CD96: variants seen among roughly 807,000 people sequenced by gnomAD.
CD96 encodes the protein CD96 molecule.
A neutral mutation model predicts 71.3 loss-of-function variants in CD96; 70 were observed. The ratio of observed to expected loss-of-function variants is 0.98; its 90% CI spans 0.81 to 1.20. CD96 has a LOEUF of 1.20. Ranked by LOEUF, CD96 falls within the 50% of genes most tolerant of loss-of-function variation. CD96 has a pLI of 0.00. For missense variants in CD96, 742 were observed against 677.5 expected, an observed-to-expected ratio of 1.10 and a Z score of -1.06; for synonymous variants, 248 against 233.0, an observed-to-expected ratio of 1.06 and a Z score of -0.59.
intron 5 of CD96, 69 bp downstream of exon 5, chr3:111,585,447 C>A: frequency 1.0e-6 from 1 of 989,646 alleles, no homozygotes; most frequent in South Asian, 1.3e-5. Context: ...GCATAGTTGC[C>A]AGGAATGTTC....
Position 111,542,228 on chromosome 3 carries a change from G to C in CD96, c.-21G>C, listed in dbSNP as rs781110604. The C allele has an allele frequency of 2.5e-6, 4 of 1,605,310 alleles. No individual in the cohort carries two copies. Among genetic ancestry groups the C allele is most frequent in the South Asian group, 1.1e-5 (1 of 90,890 alleles). ...CTTTGTGATCATTACAGAAATGCTG[G>C]TGTAAGGTGTTCAGAAGACAATGGA... On this transcript the variant is annotated 5_prime_UTR_variant, in exon 1 of 14. Transcript: ENST00000352690.
In CD96 at chr3:111,547,518, T is replaced by C. The variant is rs148528030; in HGVS notation, c.418+2116T>C. 4.0e-3 allele frequency among the ~76,000 whole-genome samples: 610 copies of C among 152,308 alleles called. 4 individuals are homozygous for C. The highest frequency in any genetic ancestry group is 0.014 in the African/African-American group (581 of 41,566). On this transcript the variant is annotated intron_variant, in intron 2 of 13. Transcript: ENST00000352690. ...ACTTGGCAACATGGACTGATGTACC[T>C]TATAGGAAATAGAATAAGTGATGCC...
At chr3:111,591,591 C>T (rs1306778099) in intron 5 of CD96, among the ~76,000 whole-genome samples, 1 of 152,106 alleles carries the variant, frequency 6.6e-6, no homozygotes, top group Non-Finnish European at 1.5e-5. Flanking sequence ...ATTACAGCCT[C>T]CTTTTTTTTC....
intron 4 of CD96, among the ~76,000 whole-genome samples, chr3:111,580,963 C>A (rs2107589672): frequency 6.6e-6 from 1 of 152,308 alleles, no homozygotes; most frequent in African/African-American, 2.4e-5. Context: ...GCTGTGTCCC[C>A]TATTGATCAA....
At chr3:111,658,358 G>C (rs1188058820) in intron 14 of CD96, among the ~76,000 whole-genome samples, 1 of 152,184 alleles carries the variant, frequency 6.6e-6, no homozygotes, top group Non-Finnish European at 1.5e-5. Context: ...TAGTCAGAGA[G>C]AGACAGAGAG....
At chr3:111,553,632 C>T (rs1934840524) in intron 2 of CD96, among the ~76,000 whole-genome samples, 2 of 152,020 alleles carry the variant, frequency 1.3e-5, no homozygotes, top group South Asian at 2.1e-4. Context: ...GAAACTTCCT[C>T]TCATCAACTT....
At chr3:111,618,136 A>G (rs1256479220) in intron 8 of CD96, among the ~76,000 whole-genome samples, 1 of 152,120 alleles carries the variant, frequency 6.6e-6, no homozygotes, top group East Asian at 1.9e-4. Flanking sequence ...ACTCGTTCAC[A>G]CACCCCTTGC....
chr3:111,664,914 C>T (rs187084506), intron 14 of CD96, among the ~76,000 whole-genome samples: 53 of 152,036 alleles, frequency 3.5e-4, no homozygotes, highest in Admixed American at 1.8e-3. Flanking sequence ...TTTATAACTC[C>T]GATGTTGTTA....
At chr3:111,646,625 T>A (rs1939840757) in intron 12 of CD96, among the ~76,000 whole-genome samples, 1 of 151,414 alleles carries the variant, frequency 6.6e-6, no homozygotes, top group African/African-American at 2.4e-5. Context: ...GGAATGTAAA[T>A]TAGTTCAGCC....
At chr3:111,588,866 G>A (rs1936836018) in intron 5 of CD96, among the ~76,000 whole-genome samples, 1 of 151,670 alleles carries the variant, frequency 6.6e-6, no homozygotes, top group Non-Finnish European at 1.5e-5. Context: ...ATTTCTAAGT[G>A]TATTAGTGAA....
chr3:111,605,599 C>G (rs972392189), intron 7 of CD96, among the ~76,000 whole-genome samples: 1 of 152,158 alleles, frequency 6.6e-6, no homozygotes, highest in African/African-American at 2.4e-5. Context: ...CCGTCCTCCA[C>G]CTCCTCAGAG....
intron 8 of CD96, among the ~76,000 whole-genome samples, chr3:111,619,717 A>G (rs1938426448): frequency 6.6e-6 from 1 of 151,998 alleles, no homozygotes; most frequent in Admixed American, 6.5e-5. Context: ...AAACATGGCT[A>G]TGAGGAATGC....
intron 4 of CD96, among the ~76,000 whole-genome samples, chr3:111,580,489 CAA>C (rs1936416601): frequency 6.6e-6 from 1 of 151,880 alleles, no homozygotes; most frequent in Non-Finnish European, 1.5e-5. Flanking sequence ...ATGAGATAAA[CAA>C]AGAGAAAATA....
intron 2 of CD96, among the ~76,000 whole-genome samples, chr3:111,546,254 T>C (rs1246959483): frequency 1.3e-5 from 2 of 152,228 alleles, no homozygotes; most frequent in Non-Finnish European, 2.9e-5. Flanking sequence ...GTGTCTGGCA[T>C]GCACACCTGA....
intron 14 of CD96, among the ~76,000 whole-genome samples, chr3:111,664,085 C>A (rs1185175674): frequency 5.3e-5 from 8 of 152,132 alleles, no homozygotes; most frequent in Non-Finnish European, 1.5e-5. Flanking sequence ...AAGTTAGTCA[C>A]CGTGGAAAGC....
chr3:111,556,935 T>A (rs1291787487), intron 2 of CD96, among the ~76,000 whole-genome samples: 1 of 117,486 alleles, frequency 8.5e-6, no homozygotes, highest in East Asian at 2.6e-4. Context: ...TGGTTTTGAT[T>A]TGCATTTCTC....
intron 3 of CD96, among the ~76,000 whole-genome samples, chr3:111,568,658 C>A (rs1403648515): frequency 6.6e-6 from 1 of 152,160 alleles, no homozygotes; most frequent in Non-Finnish European, 1.5e-5. Context: ...CTACATTGTT[C>A]TGCCTAATGC....
chr3:111,582,297 T>C (rs1936503200), intron 4 of CD96, among the ~76,000 whole-genome samples: 1 of 152,204 alleles, frequency 6.6e-6, no homozygotes, highest in Non-Finnish European at 1.5e-5. Context: ...CACTGAGTCA[T>C]AGAAGGCTGT....
At chr3:111,577,431 A>T in intron 3 of CD96, 1 of 1,050,874 alleles carries the variant, frequency 9.5e-7, no homozygotes, top group Non-Finnish European at 1.5e-6. Context: ...CCCAATACTT[A>T]GAGCTCCTCT....
Sources: gnomAD v4.1 joint callset for allele counts (sites outside exome capture counted in the v4.1 genomes callset) on GRCh38, gnomAD v4.1.1 for gene constraint, MANE v1.5 for transcripts, NCBI Gene and HGNC (gene_info 2026-07-23, HGNC 2026-07-21) for gene names.